The following CEP131 variants were observed in gnomAD, a reference collection of about 807,000 sequenced individuals.
CEP131 encodes the protein centrosomal protein of 131 kDa.
In CEP131, 99 loss-of-function variants were observed where a neutral mutation model predicts 136.8. That is an observed-to-expected ratio of 0.72 (90% confidence interval 0.62 to 0.86). The LOEUF is 0.86. Among genes scored for constraint, CEP131 ranks in the 40% least tolerant of loss-of-function variants. CEP131 has a pLI of 0.00. For synonymous variants in CEP131, 646 were observed against 612.7 expected, an observed-to-expected ratio of 1.05 and a Z score of -0.80; for missense variants, 1,459 against 1,463.0, an observed-to-expected ratio of 1.00 and a Z score of 0.04.
chr17:81,196,574 G>A (rs778051382), intron 15 of CEP131, 127 bp downstream of exon 15: 79 of 1,380,208 alleles, frequency 5.7e-5, no homozygotes, highest in East Asian at 1.0e-4. Flanking sequence ...CTTGGAATGC[G>A]TCCAGCGGAC....
rs1271120367 is a variant in CEP131 at position 81,192,764 on chromosome 17, TCTC to T, written c.2398_2400del (p.Glu800del). The T allele has an allele frequency of 1.9e-6, 3 of 1,592,168 alleles. No individual in the cohort carries two copies. Among genetic ancestry groups the T allele is most frequent in the Non-Finnish European group, 2.6e-6 (3 of 1,173,970 alleles). On this transcript the variant is annotated inframe_deletion, in exon 19 of 26. Coordinates refer to ENST00000450824, the MANE Select transcript of CEP131 (RefSeq NM_014984.4). ...GCTGCCTGCTGGCCCAGCCGCTCCC[TCTC>T]CTCAGCCACCTCACTGTACAGCCGC...
At position 81,219,707 on chromosome 17, in the gene CEP131, C is replaced by T. The variant is rs2062341280; in HGVS notation, c.177+173G>A. 6.6e-6 allele frequency among the ~76,000 whole-genome samples: 1 copy of T among 152,190 alleles called. No individual in the cohort carries two copies. Among genetic ancestry groups the T allele is most frequent in the Admixed American group, 6.5e-5 (1 of 15,276 alleles). ...GGCTTGACTTTCTAGTGATTCAGCACCCACGCCTGTAAGACTCAAGTCCTA... is the reference window on the plus strand; with the variant it reads ...GGCTTGACTTTCTAGTGATTCAGCATCCACGCCTGTAAGACTCAAGTCCTA... On this transcript the variant is annotated intron_variant, in intron 2 of 25. Coordinates refer to ENST00000450824, the MANE Select transcript of CEP131 (RefSeq NM_014984.4). This position sits in a 1 kb window ranked among gnomAD's most constrained non-coding sequence, Gnocchi z 4.0.
At chr17:81,206,010 C>G (rs2062001629) in intron 5 of CEP131, among the ~76,000 whole-genome samples, 1 of 152,160 alleles carries the variant, frequency 6.6e-6, no homozygotes, top group Admixed American at 6.5e-5. Flanking sequence ...TCGAGACCAT[C>G]CCGGCCAACA....
intron 18 of CEP131, 36 bp downstream of exon 18, chr17:81,193,890 G>A: frequency 2.0e-6 from 3 of 1,527,236 alleles, no homozygotes; most frequent in Non-Finnish European, 2.6e-6. Flanking sequence ...CCCGCCCTGA[G>A]GGTCCTGGCC....
At chr17:81,207,942 C>CATAA (rs1567872732) in intron 3 of CEP131, among the ~76,000 whole-genome samples, 1 of 141,262 alleles carries the variant, frequency 7.1e-6, no homozygotes, top group Non-Finnish European at 1.6e-5. Context: ...ACACCATACA[C>CATAA]CACACACACC....
chr17:81,199,954 G>T, intron 8 of CEP131, 119 bp from the exon 9 acceptor site: 2 of 1,012,760 alleles, frequency 2.0e-6, no homozygotes, highest in Non-Finnish European at 3.0e-6. Flanking sequence ...CTCAGGGCCA[G>T]CAGGGAAAGT....
intron 17 of CEP131, 99 bp downstream of exon 17, chr17:81,194,771 C>G (rs999535528): frequency 2.1e-5 from 21 of 1,003,478 alleles, no homozygotes; most frequent in Non-Finnish European, 3.3e-5. Context: ...AGGAAGGTCT[C>G]GGACTACATG....
intron 2 of CEP131, among the ~76,000 whole-genome samples, chr17:81,217,192 C>G (rs554939475): frequency 3.3e-5 from 5 of 152,266 alleles, no homozygotes; most frequent in Non-Finnish European, 7.4e-5. Flanking sequence ...GGTGGGCACA[C>G]AGCTGGGGCA....
At chr17:81,211,006 C>G (rs963835732) in intron 2 of CEP131, among the ~76,000 whole-genome samples, 3 of 151,958 alleles carry the variant, frequency 2.0e-5, no homozygotes, top group East Asian at 1.9e-4. Flanking sequence ...GGAGGCCAGA[C>G]AGAGGCCACT....
Position 81,192,805 on chromosome 17 carries a change from T to TGCA in CEP131, c.2357_2359dup (p.Leu786dup), listed in dbSNP as rs1567848475. The TGCA allele has an allele frequency of 6.3e-7, 1 of 1,598,326 alleles. No homozygotes were observed. Among genetic ancestry groups the TGCA allele is most frequent in the Admixed American group, 1.7e-5 (1 of 59,982 alleles). On this transcript the variant is annotated inframe_insertion, in exon 19 of 26. Transcript: ENST00000450824. ...ACTGTACAGCCGCTGCCGTTGCTGC[T>TGCA]GCAGCGCCCACTGCTCCTGCTCCAG... is the stretch of plus-strand genomic sequence containing the variant.
At chr17:81,212,113 G>A (rs773152531) in intron 2 of CEP131, among the ~76,000 whole-genome samples, 6 of 151,604 alleles carry the variant, frequency 4.0e-5, no homozygotes, top group Non-Finnish European at 8.8e-5. Context: ...TCGGGAGTTT[G>A]AGACCAGCCT....
Position 81,198,931 on chromosome 17 carries a change from C to T in CEP131, c.1233G>A (p.Leu411=), listed in dbSNP as rs1243494467. ...LPAAGPGDRC[L]PTSDSSPEPQ... is the part of the protein sequence containing the mutation. Reference sequence around the variant, plus strand: ...GTTCTGGGGATGAGTCGGAGGTGGGCAGGCAGCGGTCTCCGGGGCCTGCAG... The same window carrying T: ...GTTCTGGGGATGAGTCGGAGGTGGGTAGGCAGCGGTCTCCGGGGCCTGCAG... The change falls in exon 11 of 26, where the codon CTG becomes CTA. Residue 411 remains leucine (L), a synonymous_variant. Coordinates refer to ENST00000450824, the MANE Select transcript of CEP131 (RefSeq NM_014984.4). 2 of 1,591,260 alleles carry T rather than the reference C, an allele frequency of 1.3e-6. No individual in the cohort carries two copies. Among genetic ancestry groups the T allele is most frequent in the Non-Finnish European group, 1.7e-6 (2 of 1,170,188 alleles).
Position 81,200,367 on chromosome 17 carries a change from C to T in CEP131, c.868G>A (p.Ala290Thr), listed in dbSNP as rs755471670. ...RHQVQRRGAG[A>T]ARLEHLLQAK... ...TGAAGCAAGTGCTCCAGGCGGGCAG[C>T]TCCTGCTCCGCGCCGCTGCACCTGG... The change falls in exon 8 of 26, where the codon GCT becomes ACT. Residue 290 changes from alanine to threonine, a missense_variant. Coordinates refer to ENST00000450824, the MANE Select transcript of CEP131 (RefSeq NM_014984.4). The T allele has an allele frequency of 5.7e-6, 9 of 1,586,128 alleles. No individual in the cohort carries two copies. The African/African-American group carries it at 1.1e-4, about 19-fold the overall frequency.
At chr17:81,202,420 C>T (rs773695734) in intron 6 of CEP131, 22 bp from the exon 7 acceptor site, 1 of 1,608,622 alleles carries the variant, frequency 6.2e-7, no homozygotes, top group Admixed American at 1.7e-5. Flanking sequence ...GAAGAAAACA[C>T]CCTCGTCTCA....
rs1442190937 is a variant in CEP131 at position 81,202,376 on chromosome 17, A to G, written c.652T>C (p.Cys218Arg). 3.1e-6 allele frequency: 5 copies of G among 1,613,290 alleles called. No homozygotes were observed. The African/African-American group carries it at 5.3e-5, about 17-fold the overall frequency. Residue 218 changes from cysteine (C) to arginine (R), a missense_variant, in exon 7 of 26, where the codon TGT (cysteine) becomes CGT (arginine). Cys to Arg is a radical substitution (Grantham distance 180). Coordinates refer to ENST00000450824, the MANE Select transcript of CEP131 (RefSeq NM_014984.4). The part of the protein sequence containing the change: ...SLNNIIKAAT[C>R]EGSESSGFGK... The stretch of plus-strand genomic sequence containing the variant: ...AAGCCGCTGCTCTCACTGCCCTCAC[A>G]GGTGGCTGCCTTGATGATGTTGCTG...
chr17:81,193,770 C>G (rs1447447166), intron 18 of CEP131, among the ~76,000 whole-genome samples, 156 bp downstream of exon 18: 1 of 152,192 alleles, frequency 6.6e-6, no homozygotes, highest in South Asian at 2.1e-4. Flanking sequence ...GGCTGGGCCC[C>G]CAAGGGCCAC....
chr17:81,202,768 C>T (rs1343116079), intron 6 of CEP131, among the ~76,000 whole-genome samples: 1 of 152,180 alleles, frequency 6.6e-6, no homozygotes, highest in Non-Finnish European at 1.5e-5. Context: ...TCGAGACCAG[C>T]CTTGCCAACA....
intron 16 of CEP131, among the ~76,000 whole-genome samples, chr17:81,195,594 G>A (rs1165991452): frequency 6.6e-6 from 1 of 152,180 alleles, no homozygotes; most frequent in East Asian, 1.9e-4. Flanking sequence ...CAGGGACTGT[G>A]CGTCCACATC....
rs1162679752 is a variant in CEP131 at position 81,203,399 on chromosome 17, C to T, written c.629+95G>A. ...GGTAGAACCCTGTGTGAACTGACCG[C>T]GTGCCCTGACCGAGGTCGGACCCCA... On this transcript the variant is annotated intron_variant, in intron 6 of 25. Coordinates refer to ENST00000450824, the MANE Select transcript of CEP131 (RefSeq NM_014984.4). The surrounding 1 kb of genome is among the most constrained non-coding windows in gnomAD (Gnocchi z 4.6). 4 of 977,466 alleles carry T rather than the reference C, an allele frequency of 4.1e-6. No homozygotes were observed. Among genetic ancestry groups the T allele is most frequent in the East Asian group, 2.6e-5 (1 of 38,118 alleles). 60.5% of individuals were successfully genotyped at this position (977,466 alleles called of 1,614,324 possible). A position where few individuals can be genotyped will look rare whatever the true frequency, so the allele number is the denominator to read the frequency against.
Sources: gnomAD v4.1 joint callset for allele counts (sites outside exome capture counted in the v4.1 genomes callset) on GRCh38, gnomAD v4.1.1 for gene constraint, Gnocchi (gnomAD v3.1) non-coding constraint, MANE v1.5 for transcripts, NCBI Gene and HGNC (gene_info 2026-07-23, HGNC 2026-07-21) for gene names.